XPR1: variants seen among roughly 807,000 people sequenced by gnomAD.
XPR1 encodes the protein xenotropic and polytropic retrovirus receptor 1, also known as solute carrier family 53 member 1.
A neutral mutation model predicts 87.5 loss-of-function variants in XPR1; 28 were observed. That is an observed-to-expected ratio of 0.32 (90% confidence interval 0.24 to 0.44). XPR1 has a LOEUF of 0.44. XPR1 is among the 20% of genes least tolerant of loss of function. The pLI, the probability that XPR1 is intolerant of heterozygous loss-of-function variation, is 1.00. For synonymous variants in XPR1, 300 were observed against 306.1 expected (o/e 0.98, Z 0.21); for missense variants, 559 against 862.3 (o/e 0.65, Z 4.41).
At chr1:180,646,839 A>C (rs1655135575) in intron 1 of XPR1, among the ~76,000 whole-genome samples, 1 of 152,206 alleles carries the variant, frequency 6.6e-6, no homozygotes, top group Admixed American at 6.5e-5. Flanking sequence ...TCTGACTTAA[A>C]GCCTGCCACC....
At chr1:180,754,736 A>T (rs759803694) in intron 2 of XPR1, among the ~76,000 whole-genome samples, 19 of 152,306 alleles carry the variant, frequency 1.2e-4, no homozygotes, top group Admixed American at 3.9e-4. Flanking sequence ...TACTGGGATT[A>T]CAGGTGTGAG....
At chr1:180,882,419 C>T (rs965911206) in intron 14 of XPR1, among the ~76,000 whole-genome samples, 3 of 152,124 alleles carry the variant, frequency 2.0e-5, no homozygotes, top group East Asian at 1.9e-4. Context: ...TGCAGCAGCA[C>T]GATCATGACT....
intron 11 of XPR1, among the ~76,000 whole-genome samples, chr1:180,857,821 G>T (rs184264129): frequency 3.3e-5 from 5 of 152,052 alleles, no homozygotes; most frequent in Admixed American, 3.3e-4. Flanking sequence ...TTAGTCTTTA[G>T]TATTCTAGTT....
chr1:180,665,207 C>T (rs899140005), intron 1 of XPR1, among the ~76,000 whole-genome samples: 2 of 152,108 alleles, frequency 1.3e-5, no homozygotes, highest in African/African-American at 4.8e-5. Flanking sequence ...AGGGAAATGC[C>T]AGACGCTTAT....
intron 2 of XPR1, among the ~76,000 whole-genome samples, chr1:180,766,492 G>GAA (rs1648291483): frequency 6.6e-6 from 1 of 152,042 alleles, no homozygotes; most frequent in Non-Finnish European, 1.5e-5. Context: ...TTCTAGCCCA[G>GAA]GCTTGAGATG....
At position 180,686,382 on chromosome 1, in the gene XPR1, T is replaced by A. The variant is rs2101950594; in HGVS notation, c.121+3971T>A. Among the ~76,000 whole-genome samples, 4 of 152,310 alleles carry A rather than the reference T, an allele frequency of 2.6e-5. 1 individual carries two copies. In the Middle Eastern group the frequency reaches 0.01, roughly 389 times the overall value. On this transcript the variant is annotated intron_variant, in intron 2 of 14. Coordinates refer to ENST00000367590, the MANE Select transcript of XPR1 (RefSeq NM_004736.4). ...TGTTATAATTTCTGTTCTTTTACAT[T>A]TGCTGAGGAGTGCTTTACTTCCAAC... is the stretch of plus-strand genomic sequence containing the variant.
chr1:180,716,177 C>A (rs1043799567), intron 2 of XPR1, among the ~76,000 whole-genome samples: 3 of 152,016 alleles, frequency 2.0e-5, no homozygotes, highest in African/African-American at 7.3e-5. Flanking sequence ...CACTCTGTCA[C>A]CCAGGCTGGA....
chr1:180,771,202 A>G (rs1036347563), intron 2 of XPR1, among the ~76,000 whole-genome samples: 1 of 152,200 alleles, frequency 6.6e-6, no homozygotes, highest in African/African-American at 2.4e-5. Flanking sequence ...TTTAAGATTC[A>G]TTATTACCCT....
At chr1:180,642,600 A>G (rs1654995288) in intron 1 of XPR1, among the ~76,000 whole-genome samples, 2 of 152,110 alleles carry the variant, frequency 1.3e-5, no homozygotes, top group Admixed American at 1.3e-4. Context: ...TCATGTAGCT[A>G]GGGAGTGTTA....
At chr1:180,858,084 C>T (rs1652095932) in intron 11 of XPR1, among the ~76,000 whole-genome samples, 1 of 152,016 alleles carries the variant, frequency 6.6e-6, no homozygotes, top group Non-Finnish European at 1.5e-5. Flanking sequence ...GGCGTGGTGG[C>T]GCATGCCTGC....
chr1:180,880,242 C>T lies in XPR1; in HGVS notation c.1975C>T (p.Arg659Trp), dbSNP rs200954931. The T allele has an allele frequency of 6.6e-5, 107 of 1,614,040 alleles. 1 individual carries two copies. Among genetic ancestry groups the T allele is most frequent in the Admixed American group, 5.0e-5 (3 of 59,994 alleles). The change falls in exon 14 of 15, where the codon CGG (arginine) becomes TGG (tryptophan). Residue 659 changes from arginine to tryptophan, a missense_variant. Transcript: ENST00000367590. ...TGGGGTACGAAACCGCCAGAAGAAT[C>T]GGTCATGGAAGTACAACCAGAGCAT... is the stretch of plus-strand genomic sequence containing the variant. ...DDGVRNRQKN[R>W]SWKYNQSISL...
At position 180,811,388 on chromosome 1, in the gene XPR1, A is replaced by G. The variant is rs12088485; in HGVS notation, c.682-19A>G. 8.1e-3 allele frequency: 12,926 copies of G among 1,603,892 alleles called. 915 individuals carry two copies. The African/African-American group carries it at 0.15, about 18-fold the overall frequency. On this transcript the variant is annotated intron_variant, in intron 6 of 14. Transcript: ENST00000367590. ...TCAGTGTTTTGTCCTGTACTCAAAT[A>G]CTATTTTTCTGTCCACAGCCTGCAC...
rs1041592116 is a variant in XPR1, at chr1:180,887,794, C to G, written c.*3728C>G. 2.0e-5 allele frequency: 3 copies of G among 152,250 alleles called. No individual in the cohort carries two copies. Among genetic ancestry groups the G allele is most frequent in the African/African-American group, 7.2e-5 (3 of 41,456 alleles). The allele number at this position is 152,250 out of a possible 1,614,324, so 9.4% of individuals were successfully genotyped here. ...AGAGTTCTGTGACTTTAACTGAGCT[C>G]TTTACCAGAAGTAACGTGTTGATGT... On this transcript the variant is annotated 3_prime_UTR_variant, in exon 15 of 15. Transcript: ENST00000367590.
intron 1 of XPR1, among the ~76,000 whole-genome samples, chr1:180,640,075 A>T (rs1020237302): frequency 1.3e-5 from 2 of 152,230 alleles, no homozygotes; most frequent in Non-Finnish European, 2.9e-5. Context: ...CTCAATGTTC[A>T]CAGTAGTTTT....
At chr1:180,686,138 T>C (rs1221430312) in intron 2 of XPR1, among the ~76,000 whole-genome samples, 5 of 151,624 alleles carry the variant, frequency 3.3e-5, no homozygotes, top group East Asian at 1.9e-4. Flanking sequence ...CTATAAATTT[T>C]CCTCTACACA....
Position 180,779,581 on chromosome 1 carries a change from A to G in XPR1, c.122-8172A>G, listed in dbSNP as rs542402389. ...ACCAGCCTGGCCAACATGGTGAAACATCATCTCTAGTAGAAATACAAAAAT... is the reference window on the plus strand; with the variant it reads ...ACCAGCCTGGCCAACATGGTGAAACGTCATCTCTAGTAGAAATACAAAAAT... On this transcript the variant is annotated intron_variant, in intron 2 of 14. Transcript: ENST00000367590. Among the ~76,000 whole-genome samples the G allele has an allele frequency of 2.0e-4, 30 of 152,006 alleles. No individual in the cohort carries two copies. In the South Asian group the frequency reaches 2.1e-3, roughly 11 times the overall value.
chr1:180,660,009 G>T (rs1042994765), intron 1 of XPR1, among the ~76,000 whole-genome samples: 2 of 152,084 alleles, frequency 1.3e-5, no homozygotes, highest in Non-Finnish European at 1.5e-5. Context: ...TGTTTTCTTT[G>T]CTGGGAGACT....
At chr1:180,804,573 C>G (rs1437288739) in intron 4 of XPR1, among the ~76,000 whole-genome samples, 2 of 151,542 alleles carry the variant, frequency 1.3e-5, no homozygotes, top group Non-Finnish European at 2.9e-5. Flanking sequence ...GATGATATAC[C>G]ATATTAAAAC....
At chr1:180,771,298 G>A (rs79484296) in intron 2 of XPR1, among the ~76,000 whole-genome samples, 58 of 150,894 alleles carry the variant, frequency 3.8e-4, no homozygotes, top group African/African-American at 1.4e-3. Flanking sequence ...TTTTTAATTT[G>A]TCTTTAGGCC....
Sources: allele counts gnomAD v4.1 joint callset (sites outside exome capture counted in the v4.1 genomes callset), GRCh38; gene constraint gnomAD v4.1.1; transcripts MANE v1.5; gene names NCBI Gene and HGNC (gene_info 2026-07-23, HGNC 2026-07-21).